QSER1: variants seen among roughly 807,000 people sequenced by gnomAD.
The protein encoded by QSER1 is glutamine and serine-rich protein 1.
A neutral mutation model predicts 158.5 loss-of-function variants in QSER1; 49 were observed. The observed-to-expected ratio is 0.31, with a 90% CI of 0.25 to 0.39. The LOEUF is 0.39. Among genes scored for constraint, QSER1 ranks in the 10% least tolerant of loss-of-function variants. The pLI, the probability that QSER1 is intolerant of heterozygous loss-of-function variation, is 1.00. For missense variants in QSER1, 1,754 were observed against 2,010.3 expected, an observed-to-expected ratio of 0.87 and a Z score of 2.44; for synonymous variants, 650 against 715.5, an observed-to-expected ratio of 0.91 and a Z score of 1.46.
intron 1 of QSER1, among the ~76,000 whole-genome samples, chr11:32,894,988 G>A (rs183527118): frequency 2.0e-5 from 3 of 152,100 alleles, no homozygotes; most frequent in African/African-American, 4.8e-5. Context: ...TATTTGTGCC[G>A]CATTTTTTAT....
At chr11:32,943,826 G>A (rs1852282922) in intron 4 of QSER1, among the ~76,000 whole-genome samples, 1 of 152,128 alleles carries the variant, frequency 6.6e-6, no homozygotes, top group East Asian at 1.9e-4. Context: ...TTTCCTCCTT[G>A]TACCTCTGGT....
At chr11:32,913,456 G>A (rs766678375) in intron 1 of QSER1, among the ~76,000 whole-genome samples, 48 of 152,000 alleles carry the variant, frequency 3.2e-4, no homozygotes, top group Admixed American at 9.2e-4. Flanking sequence ...GCCTCCCAAA[G>A]TGCTGGGATT....
chr11:32,955,684 T>C (rs1389749654), intron 6 of QSER1, among the ~76,000 whole-genome samples: 1 of 152,186 alleles, frequency 6.6e-6, no homozygotes, highest in Non-Finnish European at 1.5e-5. Flanking sequence ...AGAGTTCAGA[T>C]TGACTCAGAG....
At chr11:32,941,234 TTA>T (rs1554928882) in intron 4 of QSER1, among the ~76,000 whole-genome samples, 22 of 150,330 alleles carry the variant, frequency 1.5e-4, no homozygotes, top group South Asian at 6.3e-4. Flanking sequence ...ATTATTATTA[TTA>T]TTTTTAATTA....
At position 32,933,166 on chromosome 11, in the gene QSER1, A is replaced by G; in HGVS notation, c.1908A>G (p.Ser636=). 2 of 1,613,824 alleles carry G rather than the reference A, an allele frequency of 1.2e-6. No individual in the cohort carries two copies. Among genetic ancestry groups the G allele is most frequent in the Non-Finnish European group, 1.7e-6 (2 of 1,179,926 alleles). The change falls in exon 4 of 13, where the codon TCA becomes TCG. Residue 636 remains serine (S), a synonymous_variant. Coordinates refer to ENST00000650167, the MANE Select transcript of QSER1 (RefSeq NM_001076786.3). ...CCCAAAATGTTCAGACTCAAGAGTC[A>G]TCATCTCCCCAGTCCCAGAAGTTTT... ...HSSQNVQTQE[S]SSPQSQKFLP...
At chr11:32,971,734 T>C (rs1156640089) in intron 10 of QSER1, among the ~76,000 whole-genome samples, 2 of 152,186 alleles carry the variant, frequency 1.3e-5, no homozygotes, top group East Asian at 1.9e-4. Context: ...TCTACACTTA[T>C]ACTAAGAAAA....
Position 32,954,196 on chromosome 11 carries a change from C to G in QSER1, c.4500+17C>G, listed in dbSNP as rs199901046. The G allele has an allele frequency of 2.1e-5, 34 of 1,604,148 alleles. No homozygotes were observed. The highest frequency in any genetic ancestry group is 1.7e-6 in the Non-Finnish European group (2 of 1,175,950). ...ACTTTTAAGGTGATGTCAGTGTTCA[C>G]CAGTGTAAAGGTCATAGTTTAGTTA... is the stretch of plus-strand genomic sequence containing the variant. On this transcript the variant is annotated intron_variant, in intron 5 of 12. Coordinates refer to ENST00000650167, the MANE Select transcript of QSER1 (RefSeq NM_001076786.3).
chr11:32,907,937 C>CA (rs1027298769), intron 1 of QSER1, among the ~76,000 whole-genome samples: 1 of 152,012 alleles, frequency 6.6e-6, no homozygotes, highest in Non-Finnish European at 1.5e-5. Context: ...CTCGTCTCTA[C>CA]AAAAAATACA....
chr11:32,972,173 A>G (rs1590189976), intron 10 of QSER1, among the ~76,000 whole-genome samples: 2 of 152,182 alleles, frequency 1.3e-5, no homozygotes, highest in South Asian at 4.1e-4. Flanking sequence ...ACTGTTTATA[A>G]AACACTTGCG....
intron 3 of QSER1, among the ~76,000 whole-genome samples, chr11:32,929,700 A>C (rs1222005285): frequency 6.6e-6 from 1 of 152,198 alleles, no homozygotes; most frequent in Non-Finnish European, 1.5e-5. Flanking sequence ...TAGGATAAGG[A>C]ACATCATCTT....
intron 1 of QSER1, among the ~76,000 whole-genome samples, chr11:32,895,330 C>T (rs1851540939): frequency 6.6e-6 from 1 of 152,056 alleles, no homozygotes; most frequent in African/African-American, 2.4e-5. Context: ...TGCAGGTTTA[C>T]CCCCCTCCCC....
rs1404212187 is a variant in QSER1, at chr11:32,893,276, A to C, written c.151A>C (p.Ser51Arg). The change falls in exon 1 of 13, where the codon AGC (serine) becomes CGC (arginine). Residue 51 changes from serine (S) to arginine (R), a missense_variant. Ser to Arg is a moderately radical substitution (Grantham distance 110). Around this residue, in one of 2 missense-constraint regions of QSER1, gnomAD observed 1,707 missense variants for 1,919.6 expected, o/e 0.89. Coordinates refer to ENST00000650167, the MANE Select transcript of QSER1 (RefSeq NM_001076786.3). This position sits in a 1 kb window ranked among gnomAD's most constrained non-coding sequence, Gnocchi z 4.7. ...ACCCCGAGCCGCCGCCGCCGCCGCCAGCAGCAGCTGCAGCAGTGGCAGCTG... is the reference window on the plus strand; with the variant it reads ...ACCCCGAGCCGCCGCCGCCGCCGCCCGCAGCAGCTGCAGCAGTGGCAGCTG... ...YEPRAAAAAA[S>R]SSCSSGSCSS... 6.5e-6 allele frequency: 1 copy of C among 152,888 alleles called. No homozygotes were observed. The highest frequency in any genetic ancestry group is 1.5e-5 in the Non-Finnish European group (1 of 68,598). 9.5% of individuals were successfully genotyped at this position (152,888 alleles called of 1,614,324 possible).
rs1003926366 is a variant in QSER1 at position 32,954,173 on chromosome 11, T to C, written c.4494T>C (p.Thr1498=). 1.4e-5 allele frequency: 22 copies of C among 1,611,544 alleles called. No homozygotes were observed. The highest frequency in any genetic ancestry group is 1.9e-5 in the Non-Finnish European group (22 of 1,179,058). The change falls in exon 5 of 13, where the codon ACT becomes ACC. Residue 1498 remains threonine, a synonymous_variant. Coordinates refer to ENST00000650167, the MANE Select transcript of QSER1 (RefSeq NM_001076786.3). The part of the protein sequence containing the change: ...EFVVKIEDIE[T]FKEALKTGKE... ...TGGTAAAGATAGAAGACATAGAGAC[T>C]TTTAAGGTGATGTCAGTGTTCACCA...
intron 1 of QSER1, among the ~76,000 whole-genome samples, chr11:32,919,660 T>C (rs1851877060): frequency 6.6e-6 from 1 of 152,156 alleles, no homozygotes; most frequent in Admixed American, 6.5e-5. Flanking sequence ...AATACTATAC[T>C]CTTTGGAAAG....
intron 11 of QSER1, among the ~76,000 whole-genome samples, chr11:32,974,963 G>A (rs545526889): frequency 2.0e-4 from 31 of 152,014 alleles, no homozygotes; most frequent in African/African-American, 6.5e-4. Context: ...ATTATAGGGA[G>A]CTTTTATTTT....
intron 4 of QSER1, among the ~76,000 whole-genome samples, chr11:32,952,661 G>T (rs1345532316): frequency 6.6e-6 from 1 of 152,054 alleles, no homozygotes; most frequent in African/African-American, 2.4e-5. Context: ...GTTTATAAAA[G>T]ATTGATATCT....
chr11:32,954,133 A>G lies in QSER1; in HGVS notation c.4454A>G (p.Glu1485Gly), dbSNP rs774191144. The G allele has an allele frequency of 1.2e-6, 2 of 1,613,784 alleles. No individual in the cohort carries two copies. The highest frequency in any genetic ancestry group is 2.2e-5 in the East Asian group (1 of 44,894). ...AGCGGAGGAGAAGGCCAATACAGAG[A>G]GCGTGATGAATTTGTGGTAAAGATA... ...TESGGEGQYR[E>G]RDEFVVKIED... The change falls in exon 5 of 13, where the codon GAG becomes GGG. Residue 1485 changes from glutamate to glycine, a missense_variant. This residue lies in a region of QSER1 where 1,707 missense variants were observed against 1,919.6 expected (regional missense o/e 0.89). Transcript: ENST00000650167.
At position 32,973,534 on chromosome 11, in the gene QSER1, C is replaced by G; in HGVS notation, c.5343C>G (p.Thr1781=). 6.2e-7 allele frequency: 1 copy of G among 1,607,756 alleles called. No homozygotes were observed. The highest frequency in any genetic ancestry group is 1.1e-5 in the South Asian group (1 of 89,594). Residue 1781 remains threonine (T), a synonymous_variant, in exon 11 of 13, where the codon ACC becomes ACG. Transcript: ENST00000650167. ...NKKTLRTSKT[T]TKSAQEFAVD... ...AAACTCTAAGGACTTCTAAAACAACCACCAAATCTGCACAAGTAAGTGTAA... is the reference window on the plus strand; with the variant it reads ...AAACTCTAAGGACTTCTAAAACAACGACCAAATCTGCACAAGTAAGTGTAA...
rs1394544376 is a variant in QSER1, at chr11:32,893,279, AGCAGCTGCAGCAGTG to A, written c.165_179del (p.Cys59_Ser63del). Reference sequence around the variant, plus strand: ...CCGAGCCGCCGCCGCCGCCGCCAGCAGCAGCTGCAGCAGTGGCAGCTGCAGTAGCGGCAGCAGCCC... The same window carrying A: ...CCGAGCCGCCGCCGCCGCCGCCAGCAGCAGCTGCAGTAGCGGCAGCAGCCC... On this transcript the variant is annotated inframe_deletion, in exon 1 of 13. Transcript: ENST00000650167. The surrounding 1 kb of genome is among the most constrained non-coding windows in gnomAD (Gnocchi z 4.7). 6.5e-6 allele frequency: 1 copy of A among 153,352 alleles called. No homozygotes were observed. The highest frequency in any genetic ancestry group is 1.5e-5 in the Non-Finnish European group (1 of 68,682). The allele number at this position is 153,352 out of a possible 1,614,324, so 9.5% of individuals were successfully genotyped here. A position where few individuals can be genotyped will look rare whatever the true frequency, so the allele number is the denominator to read the frequency against.
Sources: allele counts gnomAD v4.1 joint callset (sites outside exome capture counted in the v4.1 genomes callset), GRCh38; gene constraint gnomAD v4.1.1; regional missense constraint gnomAD v4.1.1; non-coding constraint Gnocchi (gnomAD v3.1); transcripts MANE v1.5; gene names NCBI Gene and HGNC (gene_info 2026-07-23, HGNC 2026-07-21).